Variants in RHOBTB2 observed in about 807,000 individuals in gnomAD.
RHOBTB2 encodes the protein Rho related BTB domain containing 2.
A neutral mutation model predicts 66.5 loss-of-function variants in RHOBTB2; 39 were observed. The ratio of observed to expected loss-of-function variants is 0.59; its 90% CI spans 0.45 to 0.77. The LOEUF is 0.77. Ranked by LOEUF, RHOBTB2 falls within the 30% of genes least tolerant of loss-of-function variation. The probability of loss-of-function intolerance (pLI) is 0.00; values close to 1 mark genes in which losing one functional copy is unlikely to be tolerated. For synonymous variants in RHOBTB2, 390 were observed against 395.0 expected (o/e 0.99, Z 0.15); for missense variants, 755 against 999.1 (o/e 0.76, Z 3.29).
At chr8:22,953,597 C>T in the RHOBTB2 span, among the ~76,000 whole-genome samples, 5 of 152,256 alleles carry the variant, frequency 3.3e-5, no homozygotes, top group African/African-American at 1.2e-4. Flanking sequence ...GTTAGTTCCT[C>T]CTTTAGAAAT....
At chr8:22,971,927 C>A in the RHOBTB2 span, among the ~76,000 whole-genome samples, 6 of 152,362 alleles carry the variant, frequency 3.9e-5, 1 homozygote, top group South Asian at 1.2e-3. Context: ...CTATCTAAGT[C>A]CAAATCCTGG....
chr8:23,006,226 CT>C lies in RHOBTB2; in HGVS notation c.482+82del. ...CCTGCTCAGCCCTGGGGGAATTCCACTGAGCCTCATATCTCTCCCTCCATTT... is the reference window on the plus strand; with the variant it reads ...CCTGCTCAGCCCTGGGGGAATTCCACGAGCCTCATATCTCTCCCTCCATTT... On this transcript the variant is annotated intron_variant, in intron 4 of 9. Coordinates refer to ENST00000251822, the MANE Select transcript of RHOBTB2 (RefSeq NM_015178.3). This position sits in a 1 kb window ranked among gnomAD's most constrained non-coding sequence, Gnocchi z 6.1. 8.1e-7 allele frequency: 1 copy of C among 1,235,786 alleles called. No homozygotes were observed. The highest frequency in any genetic ancestry group is 1.1e-6 in the Non-Finnish European group (1 of 877,084). 76.6% of individuals were successfully genotyped at this position (1,235,786 alleles called of 1,614,324 possible).
intron 7 of RHOBTB2, 132 bp downstream of exon 7, chr8:23,010,820 AT>A: frequency 2.9e-6 from 3 of 1,025,654 alleles, no homozygotes; most frequent in South Asian, 1.6e-5. Context: ...ATGAAATGGA[AT>A]CTGTTGACGG....
the RHOBTB2 span, among the ~76,000 whole-genome samples, chr8:22,978,870 T>G: frequency 1.3e-5 from 2 of 152,190 alleles, no homozygotes; most frequent in Non-Finnish European, 1.5e-5. Context: ...TTTTTTAACT[T>G]AACTTCCTGT....
the RHOBTB2 span, among the ~76,000 whole-genome samples, chr8:22,968,295 T>G: frequency 1.3e-5 from 2 of 152,150 alleles, no homozygotes; most frequent in Non-Finnish European, 2.9e-5. Context: ...TTAAATGAAG[T>G]ATATATTAAA....
At chr8:23,015,878 T>G (rs1811276989) in intron 9 of RHOBTB2, 135 bp downstream of exon 9, 2 of 670,420 alleles carry the variant, frequency 3.0e-6, no homozygotes, top group Non-Finnish European at 5.0e-6. Context: ...CAAAGGAGCC[T>G]CCAGCCAAGC....
the RHOBTB2 span, among the ~76,000 whole-genome samples, chr8:22,976,074 A>G: frequency 1.3e-5 from 2 of 152,254 alleles, no homozygotes; most frequent in South Asian, 2.1e-4. Context: ...TAAACCCAGG[A>G]GGTGGAAGTT....
chr8:22,994,201 A>T (rs890756842), intron 2 of RHOBTB2, among the ~76,000 whole-genome samples: 33 of 152,182 alleles, frequency 2.2e-4, no homozygotes, highest in Non-Finnish European at 1.8e-4. Context: ...AGGGAAGGAT[A>T]TTGTCCAGTG....
upstream of RHOBTB2, chr8:22,995,735 G>A: frequency 2.0e-6 from 2 of 996,742 alleles, 1 homozygote; most frequent in South Asian, 2.8e-5. Context: ...GGCTGGTTCT[G>A]AACTTTGCCC....
chr8:23,004,742 G>T lies in RHOBTB2; in HGVS notation c.192+116G>T. 8 of 993,016 alleles carry T rather than the reference G, an allele frequency of 8.1e-6. No homozygotes were observed. Among genetic ancestry groups the T allele is most frequent in the Non-Finnish European group, 1.1e-5 (7 of 666,014 alleles). The allele number at this position is 993,016 out of a possible 1,614,324, so 61.5% of individuals were successfully genotyped here. On this transcript the variant is annotated intron_variant, in intron 2 of 9. Coordinates refer to ENST00000251822, the MANE Select transcript of RHOBTB2 (RefSeq NM_015178.3). The surrounding 1 kb of genome is among the most constrained non-coding windows in gnomAD (Gnocchi z 6.4). ...ACGGGAGCCCTCTAGGGGTGGGACA[G>T]GATGGGTTGGGGGCAGCTGAAGAGG... is the stretch of plus-strand genomic sequence containing the variant.
rs1198503395 is a variant in RHOBTB2 at position 23,007,527 on chromosome 8, G to A, written c.1282G>A (p.Ala428Thr). 6.2e-7 allele frequency: 1 copy of A among 1,614,176 alleles called. No individual in the cohort carries two copies. Among genetic ancestry groups the A allele is most frequent in the Non-Finnish European group, 8.5e-7 (1 of 1,180,036 alleles). The change falls in exon 5 of 10, where the codon GCT becomes ACT. Residue 428 changes from alanine (A) to threonine (T), a missense_variant. Transcript: ENST00000251822. ...DSSIQPGPFR[A>T]VLKYLYTGEL... ...TTCCATCCAGCCGGGGCCCTTCCGG[G>A]CTGTCCTCAAGTACCTGTACACGGG...
In RHOBTB2 at chr8:23,017,664, C is replaced by A; in HGVS notation, c.*195C>A. The A allele has an allele frequency of 1.2e-6, 1 of 836,254 alleles. No individual in the cohort carries two copies. Among genetic ancestry groups the A allele is most frequent in the Non-Finnish European group, 1.8e-6 (1 of 553,584 alleles). 51.8% of individuals were successfully genotyped at this position (836,254 alleles called of 1,614,324 possible). On this transcript the variant is annotated 3_prime_UTR_variant, in exon 10 of 10. Coordinates refer to ENST00000251822, the MANE Select transcript of RHOBTB2 (RefSeq NM_015178.3). The surrounding 1 kb of genome is among the most constrained non-coding windows in gnomAD (Gnocchi z 5.3). Reference sequence around the variant, plus strand: ...GAGCCCTGTGGAGCAGAACGGGAACCACCTGCAGAGGTCCCCAGACCCAAA... The same window carrying A: ...GAGCCCTGTGGAGCAGAACGGGAACAACCTGCAGAGGTCCCCAGACCCAAA...
At chr8:22,972,660 G>A in the RHOBTB2 span, among the ~76,000 whole-genome samples, 8 of 152,172 alleles carry the variant, frequency 5.3e-5, no homozygotes, top group East Asian at 1.9e-4. Flanking sequence ...AGAGGCGCTC[G>A]GAGCAGGCTG....
chr8:23,007,991 A>G lies in RHOBTB2; in HGVS notation c.1502-2A>G. 1 of 1,612,996 alleles carries G rather than the reference A, an allele frequency of 6.2e-7. No homozygotes were observed. Among genetic ancestry groups the G allele is most frequent in the Non-Finnish European group, 8.5e-7 (1 of 1,179,070 alleles). On this transcript the variant is annotated splice_acceptor_variant, in intron 5 of 9. Coordinates refer to ENST00000251822, the MANE Select transcript of RHOBTB2 (RefSeq NM_015178.3). LOFTEE classifies it high-confidence loss of function. ...TCCTCCTGTGATGCTTCTTCTGGAC[A>G]GATGTGACCTTCATCCTGGATGATG... is the stretch of plus-strand genomic sequence containing the variant.
rs955751344 is a variant in RHOBTB2 at position 23,014,844 on chromosome 8, G to T, written c.1860+66G>T. The T allele has an allele frequency of 3.9e-6, 5 of 1,296,706 alleles. No individual in the cohort carries two copies. In the African/African-American group the frequency reaches 7.3e-5, roughly 19 times the overall value. The allele number at this position is 1,296,706 out of a possible 1,614,324, so 80.3% of individuals were successfully genotyped here. ...TACACTCTGCCTGCCCATTGGCTGCGAATGGGAAGGGGTGGAAGATGGTCT... is the reference window on the plus strand; with the variant it reads ...TACACTCTGCCTGCCCATTGGCTGCTAATGGGAAGGGGTGGAAGATGGTCT... On this transcript the variant is annotated intron_variant, in intron 8 of 9. Coordinates refer to ENST00000251822, the MANE Select transcript of RHOBTB2 (RefSeq NM_015178.3).
chr8:23,017,436 C>G lies in RHOBTB2; in HGVS notation c.2151C>G (p.Ser717=), dbSNP rs750699426. ...CCCCGTCTTCCTCGGCAGCCTCCTCCTCATCCCCATCTTCCTCCTCGGCTG... is the reference window on the plus strand; with the variant it reads ...CCCCGTCTTCCTCGGCAGCCTCCTCGTCATCCCCATCTTCCTCCTCGGCTG... ...PSSPSSSAAS[S]SSPSSSSAVV is the part of the protein sequence containing the mutation. The change falls in exon 10 of 10, where the codon TCC becomes TCG. Residue 717 remains serine (S), a synonymous_variant. Coordinates refer to ENST00000251822, the MANE Select transcript of RHOBTB2 (RefSeq NM_015178.3). The surrounding 1 kb of genome is among the most constrained non-coding windows in gnomAD (Gnocchi z 5.3). 2 of 1,605,654 alleles carry G rather than the reference C, an allele frequency of 1.2e-6. No homozygotes were observed. Among genetic ancestry groups the G allele is most frequent in the Non-Finnish European group, 1.7e-6 (2 of 1,175,964 alleles).
upstream of RHOBTB2, among the ~76,000 whole-genome samples, chr8:22,985,130 A>C (rs1467172326): frequency 6.6e-6 from 1 of 152,142 alleles, no homozygotes. Context: ...GGGTACCCAA[A>C]GTCTGGTGGT....
At chr8:22,996,829 C>A (rs1203260256), upstream of RHOBTB2, among the ~76,000 whole-genome samples, 1 of 151,974 alleles carries the variant, frequency 6.6e-6, no homozygotes, top group Non-Finnish European at 1.5e-5. Context: ...GGTGGGGAAG[C>A]CTGGCCTCTG....
exon 2 of RHOBTB2, chr8:22,992,116 T>C (rs1399595460): frequency 5.3e-5 from 8 of 152,190 alleles, no homozygotes; most frequent in Non-Finnish European, 1.0e-4. Flanking sequence ...GGTCAACATA[T>C]AACTTTCTCA....
Sources: gnomAD v4.1 joint callset for allele counts (sites outside exome capture counted in the v4.1 genomes callset) on GRCh38, gnomAD v4.1.1 for gene constraint, Gnocchi (gnomAD v3.1) non-coding constraint, MANE v1.5 for transcripts, NCBI Gene and HGNC (gene_info 2026-07-23, HGNC 2026-07-21) for gene names.